Variants in PRKN observed in about 807,000 individuals in gnomAD.
The protein encoded by PRKN is E3 ubiquitin-protein ligase parkin.
Under a neutral mutation model 59.5 loss-of-function variants are expected in PRKN, and 56 were observed. The observed-to-expected ratio is 0.94, with a 90% CI of 0.76 to 1.18. The LOEUF is 1.18. PRKN is among the 50% of genes most tolerant of loss of function. The probability of loss-of-function intolerance (pLI) is 0.00; values close to 1 mark genes in which losing one functional copy is unlikely to be tolerated. For synonymous variants in PRKN, 250 were observed against 222.1 expected (o/e 1.13, Z -1.12); for missense variants, 657 against 596.4 (o/e 1.10, Z -1.06).
At chr6:162,556,262 T>G (rs1779565246) in intron 1 of PRKN, among the ~76,000 whole-genome samples, 1 of 151,840 alleles carries the variant, frequency 6.6e-6, no homozygotes. Flanking sequence ...GCGAAATGTT[T>G]TGGAAACCCA....
chr6:162,596,075 A>G (rs1386634098), intron 1 of PRKN, among the ~76,000 whole-genome samples: 1 of 152,180 alleles, frequency 6.6e-6, no homozygotes, highest in East Asian at 1.9e-4. Context: ...AACAAGATAC[A>G]AAGATATCAA....
chr6:162,246,869 C>G (rs1195718146), intron 3 of PRKN, among the ~76,000 whole-genome samples: 1 of 152,056 alleles, frequency 6.6e-6, no homozygotes, highest in African/African-American at 2.4e-5. Flanking sequence ...GCAAGTTTTT[C>G]TGTAGTAGGT....
intron 6 of PRKN, among the ~76,000 whole-genome samples, chr6:161,910,413 C>T (rs571923827): frequency 6.6e-6 from 1 of 152,180 alleles, no homozygotes; most frequent in Non-Finnish European, 1.5e-5. Flanking sequence ...TGCTACCACA[C>T]CCGGCTAATT....
At chr6:161,387,965 C>T (rs964848171) in intron 9 of PRKN, among the ~76,000 whole-genome samples, 7 of 152,310 alleles carry the variant, frequency 4.6e-5, no homozygotes, top group Admixed American at 2.6e-4. Context: ...GCCCTCTACC[C>T]GCCATCGTAC....
intron 6 of PRKN, among the ~76,000 whole-genome samples, chr6:161,957,194 G>C (rs1780201291): frequency 6.6e-6 from 1 of 152,150 alleles, no homozygotes. Flanking sequence ...AATAACATCT[G>C]AATGACATTT....
At position 161,497,013 on chromosome 6, in the gene PRKN, C is replaced by T. The variant is rs1777775931; in HGVS notation, c.1083+51841G>A. On this transcript the variant is annotated intron_variant, in intron 9 of 11. Transcript: ENST00000366898. The surrounding 1 kb of genome is among the most constrained non-coding windows in gnomAD (Gnocchi z 4.6). ...GTTCTACGCCACCCGGCTTGTGGCA[C>T]TTTATAATGGCAGCCCTAGGAGCAA... 6.6e-6 allele frequency among the ~76,000 whole-genome samples: 1 copy of T among 152,202 alleles called. No individual in the cohort carries two copies.
chr6:162,347,886 T>C (rs1481035926), intron 2 of PRKN, among the ~76,000 whole-genome samples: 1 of 152,082 alleles, frequency 6.6e-6, no homozygotes, highest in Non-Finnish European at 1.5e-5. Flanking sequence ...ACAAATAAGG[T>C]GAGTCTTAAC....
rs555257326 is a variant in PRKN, at chr6:162,166,297, G to C, written c.534+34834C>G. Among the ~76,000 whole-genome samples, 3 of 152,204 alleles carry C rather than the reference G, an allele frequency of 2.0e-5. No individual in the cohort carries two copies. The Middle Eastern group carries it at 0.01, about 518-fold the overall frequency. ...ATGGAAGAAGCCTTACACCAGAGTA[G>C]AGACCACATGACTCTTTATATGACC... On this transcript the variant is annotated intron_variant, in intron 4 of 11. Coordinates refer to ENST00000366898, the MANE Select transcript of PRKN (RefSeq NM_004562.3).
chr6:161,957,696 T>C (rs769285247), intron 6 of PRKN, among the ~76,000 whole-genome samples: 1 of 152,194 alleles, frequency 6.6e-6, no homozygotes, highest in Non-Finnish European at 1.5e-5. Flanking sequence ...ATGCTGGGAT[T>C]ACAGGCGTGA....
At chr6:162,356,699 G>A (rs1328344100) in intron 2 of PRKN, among the ~76,000 whole-genome samples, 2 of 138,182 alleles carry the variant, frequency 1.4e-5, no homozygotes, top group African/African-American at 2.7e-5. Context: ...GGTACCACCC[G>A]ACTTTAATGC....
chr6:162,172,892 T>C (rs1191520722), intron 4 of PRKN, among the ~76,000 whole-genome samples: 1 of 151,978 alleles, frequency 6.6e-6, no homozygotes, highest in Non-Finnish European at 1.5e-5. Context: ...AAGGCCTTCC[T>C]CTCCAGAAGA....
rs934526045 is a variant in PRKN, at chr6:161,503,532, G to A, written c.1083+45322C>T. On this transcript the variant is annotated intron_variant, in intron 9 of 11. Coordinates refer to ENST00000366898, the MANE Select transcript of PRKN (RefSeq NM_004562.3). The surrounding 1 kb of genome is among the most constrained non-coding windows in gnomAD (Gnocchi z 5.1). ...CTTAATGGCTGCAACGGCCCCAGGA[G>A]GTAGATACTTATTAATTACCCTCAT... Among the ~76,000 whole-genome samples, 4 of 152,262 alleles carry A rather than the reference G, an allele frequency of 2.6e-5. No homozygotes were observed. The highest frequency in any genetic ancestry group is 5.9e-5 in the Non-Finnish European group (4 of 68,034).
chr6:162,391,861 C>G (rs1419537956), intron 2 of PRKN, among the ~76,000 whole-genome samples: 1 of 152,028 alleles, frequency 6.6e-6, no homozygotes, highest in African/African-American at 2.4e-5. Context: ...AAGATTAGTG[C>G]ATTGTTTCTA....
At chr6:161,392,431 A>G (rs1786553395) in intron 9 of PRKN, among the ~76,000 whole-genome samples, 1 of 151,752 alleles carries the variant, frequency 6.6e-6, no homozygotes, top group Non-Finnish European at 1.5e-5. Flanking sequence ...TTTATTCCCA[A>G]TCTTTTGCAA....
chr6:162,264,084 G>T (rs1224867394), intron 2 of PRKN, among the ~76,000 whole-genome samples: 1 of 151,696 alleles, frequency 6.6e-6, no homozygotes, highest in Non-Finnish European at 1.5e-5. Flanking sequence ...GACCAGCCAG[G>T]GCAAAATGGT....
chr6:161,902,307 T>C (rs1777947700), intron 6 of PRKN, among the ~76,000 whole-genome samples: 1 of 152,130 alleles, frequency 6.6e-6, no homozygotes, highest in Admixed American at 6.5e-5. Context: ...CAGAAGAGAC[T>C]GGCTTCTGAA....
rs112270389 is a variant in PRKN at position 162,399,707 on chromosome 6, C to A, written c.171+43603G>T. Among the ~76,000 whole-genome samples, 18 of 151,906 alleles carry A rather than the reference C, an allele frequency of 1.2e-4. 1 individual carries two copies. Among genetic ancestry groups the A allele is most frequent in the African/African-American group, 3.6e-4 (15 of 41,418 alleles). ...AAAACCAAACAATGAATCAACCAAGCAGTTGTGTCCATGAAACAAGACAAC... is the reference window on the plus strand; with the variant it reads ...AAAACCAAACAATGAATCAACCAAGAAGTTGTGTCCATGAAACAAGACAAC... On this transcript the variant is annotated intron_variant, in intron 2 of 11. Transcript: ENST00000366898.
intron 6 of PRKN, among the ~76,000 whole-genome samples, chr6:161,848,189 C>T (rs781525597): frequency 1.3e-5 from 2 of 152,068 alleles, no homozygotes; most frequent in Non-Finnish European, 2.9e-5. Flanking sequence ...TTCTTTTCCT[C>T]TTTATGTTGT....
chr6:162,249,582 A>G (rs1002788105), intron 3 of PRKN, among the ~76,000 whole-genome samples: 1 of 152,150 alleles, frequency 6.6e-6, no homozygotes, highest in Non-Finnish European at 1.5e-5. Flanking sequence ...GGTGGAGAGA[A>G]TGTCTTGGAA....
Sources: allele counts gnomAD v4.1 joint callset (sites outside exome capture counted in the v4.1 genomes callset), GRCh38; gene constraint gnomAD v4.1.1; non-coding constraint Gnocchi (gnomAD v3.1); transcripts MANE v1.5; gene names NCBI Gene and HGNC (gene_info 2026-07-23, HGNC 2026-07-21).